ARHGAP12: variants seen among roughly 807,000 people sequenced by gnomAD.
The protein encoded by ARHGAP12 is rho GTPase-activating protein 12.
In ARHGAP12, 64 loss-of-function variants were observed where a neutral mutation model predicts 108.6. That is an observed-to-expected ratio of 0.59 (90% CI 0.48 to 0.73). The LOEUF is 0.73. Among genes scored for constraint, ARHGAP12 ranks in the 30% least tolerant of loss-of-function variants. ARHGAP12 has a pLI of 0.00. For missense variants in ARHGAP12, 940 were observed against 1,005.9 expected (o/e 0.93, Z 0.89); for synonymous variants, 312 against 337.2 (o/e 0.93, Z 0.82).
chr10:31,925,523 T>C (rs1839999400), intron 1 of ARHGAP12, among the ~76,000 whole-genome samples: 1 of 152,232 alleles, frequency 6.6e-6, no homozygotes, highest in Admixed American at 6.5e-5. Context: ...TTCATTCAGA[T>C]TTCCTTAGTA....
intron 3 of ARHGAP12, among the ~76,000 whole-genome samples, chr10:31,883,123 C>G (rs1034412348): frequency 6.6e-6 from 1 of 151,762 alleles, no homozygotes; most frequent in African/African-American, 2.4e-5. Flanking sequence ...TGGAGAAACC[C>G]CATCTCTACT....
At chr10:31,906,961 A>G (rs1471791411) in intron 3 of ARHGAP12, among the ~76,000 whole-genome samples, 2 of 152,152 alleles carry the variant, frequency 1.3e-5, no homozygotes, top group African/African-American at 4.8e-5. Flanking sequence ...ACTCACTAAG[A>G]CACACAATGA....
chr10:31,895,458 A>C (rs1050011331), intron 3 of ARHGAP12, among the ~76,000 whole-genome samples: 4 of 152,238 alleles, frequency 2.6e-5, no homozygotes, highest in African/African-American at 9.6e-5. Flanking sequence ...TCTCAAAAGA[A>C]GACATTTATG....
chr10:31,844,668 G>T (rs1174708022), intron 6 of ARHGAP12, among the ~76,000 whole-genome samples: 1 of 151,342 alleles, frequency 6.6e-6, no homozygotes, highest in Admixed American at 6.6e-5. Context: ...TGAGTAGCTG[G>T]GACTACAAGT....
chr10:31,897,755 G>C (rs1838760485), intron 3 of ARHGAP12, among the ~76,000 whole-genome samples: 1 of 152,288 alleles, frequency 6.6e-6, no homozygotes, highest in African/African-American at 2.4e-5. Flanking sequence ...GAAAAAAACA[G>C]TATGAAGAAA....
rs575599326 is a variant in ARHGAP12 at position 31,860,561 on chromosome 10, AAAT to A, written c.948+831_948+833del. On this transcript the variant is annotated intron_variant, in intron 4 of 19. Coordinates refer to ENST00000344936, the MANE Select transcript of ARHGAP12 (RefSeq NM_018287.7). ...AAAGAGTACAGACACTTGTTAGAGA[AAAT>A]AATGATTTTAAAGTGAATTGTTAGA... Among the ~76,000 whole-genome samples, 6 of 152,364 alleles carry A rather than the reference AAAT, an allele frequency of 3.9e-5. No homozygotes were observed. In the South Asian group the frequency reaches 1.2e-3, roughly 32 times the overall value.
intron 19 of ARHGAP12, among the ~76,000 whole-genome samples, 190 bp from the exon 20 acceptor site, chr10:31,808,022 C>T (rs1834878786): frequency 6.6e-6 from 1 of 152,066 alleles, no homozygotes; most frequent in South Asian, 2.1e-4. Context: ...TTTTGATAAA[C>T]ACAGCTGAAA....
intron 9 of ARHGAP12, among the ~76,000 whole-genome samples, chr10:31,837,175 A>G (rs1201067878): frequency 6.6e-6 from 1 of 152,236 alleles, no homozygotes; most frequent in Non-Finnish European, 1.5e-5. Context: ...TAATGTATAA[A>G]AGATCTTTGT....
chr10:31,835,771 G>A (rs1468684345), intron 9 of ARHGAP12, among the ~76,000 whole-genome samples: 2 of 152,172 alleles, frequency 1.3e-5, no homozygotes, highest in African/African-American at 4.8e-5. Context: ...AAACACCACT[G>A]TAATGAAACA....
At position 31,885,315 on chromosome 10, in the gene ARHGAP12, CTT is replaced by C. The variant is rs567317396; in HGVS notation, c.684+22855_684+22856del. On this transcript the variant is annotated intron_variant, in intron 3 of 19. Coordinates refer to ENST00000344936, the MANE Select transcript of ARHGAP12 (RefSeq NM_018287.7). ...TTTTCAATGTAAAAATAAAGTATCTCTTTACCTTAGAAAGCAGCTGTGAAGAA... is the reference window on the plus strand; with the variant it reads ...TTTTCAATGTAAAAATAAAGTATCTCTACCTTAGAAAGCAGCTGTGAAGAA... Among the ~76,000 whole-genome samples, 336 of 152,290 alleles carry C rather than the reference CTT, an allele frequency of 2.2e-3. 2 individuals are homozygous for C. Among genetic ancestry groups the C allele is most frequent in the Middle Eastern group, 6.8e-3 (2 of 294 alleles).
chr10:31,821,962 A>G (rs1835432243), intron 11 of ARHGAP12, among the ~76,000 whole-genome samples: 1 of 152,194 alleles, frequency 6.6e-6, no homozygotes, highest in Admixed American at 6.5e-5. Context: ...AAAATCAATT[A>G]TTTAATTTAT....
chr10:31,918,485 T>C (rs1483112649), intron 1 of ARHGAP12, among the ~76,000 whole-genome samples: 2 of 152,090 alleles, frequency 1.3e-5, no homozygotes, highest in Admixed American at 1.3e-4. Flanking sequence ...GGAGGATCAC[T>C]TGAGCCCTGG....
chr10:31,885,917 CTT>C (rs1251941800), intron 3 of ARHGAP12, among the ~76,000 whole-genome samples: 2 of 151,954 alleles, frequency 1.3e-5, no homozygotes, highest in African/African-American at 4.8e-5. Flanking sequence ...AGTCAAGAAT[CTT>C]TTGTAGATTC....
At chr10:31,844,622 C>T (rs1477329373) in intron 6 of ARHGAP12, among the ~76,000 whole-genome samples, 1 of 151,704 alleles carries the variant, frequency 6.6e-6, no homozygotes, top group East Asian at 1.9e-4. Flanking sequence ...CAACCTTGAA[C>T]TTCTGGGCTC....
intron 3 of ARHGAP12, among the ~76,000 whole-genome samples, chr10:31,879,748 G>A (rs1356818732): frequency 6.6e-6 from 1 of 152,092 alleles, no homozygotes; most frequent in Non-Finnish European, 1.5e-5. Context: ...CTGACACTAA[G>A]CTGGCAATTT....
intron 3 of ARHGAP12, among the ~76,000 whole-genome samples, chr10:31,862,374 A>G (rs1331237061): frequency 6.6e-6 from 1 of 152,176 alleles, no homozygotes; most frequent in East Asian, 1.9e-4. Context: ...GTTTAGCTAC[A>G]GCTTTATTTT....
intron 4 of ARHGAP12, among the ~76,000 whole-genome samples, chr10:31,854,867 G>A (rs1160207748): frequency 2.0e-5 from 3 of 150,768 alleles, no homozygotes; most frequent in Non-Finnish European, 2.9e-5. Context: ...GGTGGCTCAC[G>A]TCTGTAATCC....
intron 3 of ARHGAP12, among the ~76,000 whole-genome samples, chr10:31,867,118 GTTT>G (rs1323433083): frequency 7.2e-6 from 1 of 138,514 alleles, no homozygotes. Context: ...TCTTTTTTTT[GTTT>G]TTTTTTTTTT....
intron 3 of ARHGAP12, among the ~76,000 whole-genome samples, chr10:31,883,594 G>A (rs547533146): frequency 3.3e-5 from 5 of 152,184 alleles, no homozygotes; most frequent in East Asian, 1.9e-4. Context: ...CATCCTTACC[G>A]GAGACATAAG....
Sources: gnomAD v4.1 joint callset for allele counts (sites outside exome capture counted in the v4.1 genomes callset) on GRCh38, gnomAD v4.1.1 for gene constraint, MANE v1.5 for transcripts, NCBI Gene and HGNC (gene_info 2026-07-23, HGNC 2026-07-21) for gene names.